RSRC1: variants seen among roughly 807,000 people sequenced by gnomAD.
RSRC1 encodes the protein arginine and serine rich coiled-coil 1.
A neutral mutation model predicts 49.1 loss-of-function variants in RSRC1; 39 were observed. The observed-to-expected ratio is 0.79, with a 90% CI of 0.61 to 1.04. The LOEUF (loss-of-function observed/expected upper bound fraction) is 1.04, where lower values mean the gene tolerates loss of function less well. Ranked by LOEUF, RSRC1 falls within the 50% of genes least tolerant of loss-of-function variation. The pLI is 0.00. For synonymous variants in RSRC1, 143 were observed against 130.8 expected (o/e 1.09, Z -0.63); for missense variants, 388 against 402.4 (o/e 0.96, Z 0.31).
In RSRC1 at chr3:158,518,146, A is replaced by ATTTTTT. The variant is rs1452015549; in HGVS notation, c.653-18945_653-18944insTTTTTT. On this transcript the variant is annotated intron_variant, in intron 7 of 9. Coordinates refer to ENST00000611884, the MANE Select transcript of RSRC1 (RefSeq NM_001271838.2). Reference sequence around the variant, plus strand: ...TGTGTGTATATATATATATATATATATATTTTTTTTTTTTTTTTTTTTACT... The same window carrying ATTTTTT: ...TGTGTGTATATATATATATATATATATTTTTTTATTTTTTTTTTTTTTTTTTTTACT... 1.6e-3 allele frequency among the ~76,000 whole-genome samples: 109 copies of ATTTTTT among 69,694 alleles called. 3 individuals carry two copies. Among genetic ancestry groups the ATTTTTT allele is most frequent in the African/African-American group, 7.1e-3 (69 of 9,726 alleles). 45.7% of individuals were successfully genotyped at this position (69,694 alleles called of 152,430 possible).
At chr3:158,237,106 A>G (rs931624688) in intron 4 of RSRC1, among the ~76,000 whole-genome samples, 3 of 152,210 alleles carry the variant, frequency 2.0e-5, no homozygotes, top group African/African-American at 7.2e-5. Context: ...TCAGTTATGT[A>G]TGACAAGAAT....
At chr3:158,252,709 A>C (rs1724290885) in intron 4 of RSRC1, among the ~76,000 whole-genome samples, 1 of 152,132 alleles carries the variant, frequency 6.6e-6, no homozygotes, top group South Asian at 2.1e-4. Flanking sequence ...GAAGCCATTG[A>C]GTCATGGGCT....
At chr3:158,236,719 A>G (rs1162106919) in intron 4 of RSRC1, among the ~76,000 whole-genome samples, 3 of 152,312 alleles carry the variant, frequency 2.0e-5, no homozygotes, top group Middle Eastern at 3.4e-3. Context: ...TGAAGATGGG[A>G]AAAGTCAAAT....
At chr3:158,543,521 A>C in intron 9 of RSRC1, 34 bp downstream of exon 9, 1 of 1,572,202 alleles carries the variant, frequency 6.4e-7, no homozygotes, top group East Asian at 2.3e-5. Flanking sequence ...TGTCAGTTGA[A>C]GTCTAATTTA....
intron 6 of RSRC1, among the ~76,000 whole-genome samples, chr3:158,441,767 G>A (rs183142179): frequency 6.6e-6 from 1 of 152,210 alleles, no homozygotes; most frequent in East Asian, 1.9e-4. Flanking sequence ...TGACACGATT[G>A]TGAGGATAAA....
chr3:158,316,155 G>C (rs1490325987), intron 5 of RSRC1, among the ~76,000 whole-genome samples: 1 of 150,392 alleles, frequency 6.6e-6, no homozygotes. Flanking sequence ...CTGGACAACA[G>C]AGCGAGACTC....
intron 5 of RSRC1, among the ~76,000 whole-genome samples, chr3:158,317,085 A>G (rs2108157339): frequency 6.6e-6 from 1 of 152,344 alleles, no homozygotes; most frequent in South Asian, 2.1e-4. Flanking sequence ...GCTTATGAAT[A>G]CATTAAAAGC....
At chr3:158,213,406 T>G (rs1022963400) in intron 4 of RSRC1, among the ~76,000 whole-genome samples, 1 of 151,952 alleles carries the variant, frequency 6.6e-6, no homozygotes, top group African/African-American at 2.4e-5. Context: ...GGGTTAATGC[T>G]TTTCATTTAG....
chr3:158,342,064 A>G (rs1730275558), intron 5 of RSRC1, among the ~76,000 whole-genome samples: 1 of 152,222 alleles, frequency 6.6e-6, no homozygotes, highest in African/African-American at 2.4e-5. Context: ...GTATCTGGGA[A>G]GTAACTAGCT....
At chr3:158,261,407 T>A (rs1724887128) in intron 4 of RSRC1, among the ~76,000 whole-genome samples, 1 of 152,238 alleles carries the variant, frequency 6.6e-6, no homozygotes, top group Non-Finnish European at 1.5e-5. Flanking sequence ...CCTATATATA[T>A]ATTCCTTGGT....
intron 4 of RSRC1, among the ~76,000 whole-genome samples, chr3:158,230,682 A>G (rs1722899005): frequency 6.6e-6 from 1 of 152,124 alleles, no homozygotes; most frequent in South Asian, 2.1e-4. Context: ...ACAGAATTAT[A>G]ATATTTTTGT....
intron 4 of RSRC1, among the ~76,000 whole-genome samples, chr3:158,290,303 T>C (rs1010101564): frequency 7.9e-5 from 12 of 152,048 alleles, no homozygotes; most frequent in Non-Finnish European, 1.8e-4. Context: ...GATGGAGTCT[T>C]GCTCTGTCTC....
At chr3:158,361,505 A>T (rs1345513890) in intron 6 of RSRC1, among the ~76,000 whole-genome samples, 1 of 152,168 alleles carries the variant, frequency 6.6e-6, no homozygotes, top group African/African-American at 2.4e-5. Context: ...CTGGTCCCGT[A>T]GCCACTTCTG....
intron 6 of RSRC1, among the ~76,000 whole-genome samples, chr3:158,385,182 A>G (rs1201627584): frequency 2.0e-5 from 3 of 152,164 alleles, no homozygotes; most frequent in African/African-American, 7.2e-5. Flanking sequence ...TTATACAAAA[A>G]TAAATTGTGC....
At chr3:158,355,485 C>G (rs1426528870) in intron 6 of RSRC1, among the ~76,000 whole-genome samples, 1 of 151,734 alleles carries the variant, frequency 6.6e-6, no homozygotes, top group Non-Finnish European at 1.5e-5. Context: ...AAAATGAGAT[C>G]AGTGTCATTT....
At chr3:158,460,183 C>T (rs1276048153) in intron 6 of RSRC1, among the ~76,000 whole-genome samples, 1 of 151,884 alleles carries the variant, frequency 6.6e-6, no homozygotes, top group African/African-American at 2.4e-5. Flanking sequence ...CTTATTTTCA[C>T]TTAGTTCACT....
intron 3 of RSRC1, among the ~76,000 whole-genome samples, chr3:158,132,860 T>C (rs1011604163): frequency 6.6e-6 from 1 of 152,216 alleles, no homozygotes; most frequent in Non-Finnish European, 1.5e-5. Context: ...AATAAATCTT[T>C]GGCAACTCTA....
intron 3 of RSRC1, among the ~76,000 whole-genome samples, chr3:158,127,564 T>C (rs1715708269): frequency 6.6e-6 from 1 of 152,034 alleles, no homozygotes; most frequent in African/African-American, 2.4e-5. Context: ...CTTGATTTTG[T>C]TTATACTTTG....
At chr3:158,190,774 T>C (rs1439054747) in intron 3 of RSRC1, among the ~76,000 whole-genome samples, 3 of 151,956 alleles carry the variant, frequency 2.0e-5, no homozygotes, top group East Asian at 3.9e-4. Flanking sequence ...TTTGTATGGA[T>C]GTTGGATTCT....
Sources: allele counts gnomAD v4.1 joint callset (sites outside exome capture counted in the v4.1 genomes callset), GRCh38; gene constraint gnomAD v4.1.1; transcripts MANE v1.5; gene names NCBI Gene and HGNC (gene_info 2026-07-23, HGNC 2026-07-21).